TDRD12: variants seen among roughly 807,000 people sequenced by gnomAD.
The protein encoded by TDRD12 is tudor domain containing 12.
TDRD12 carries 158 observed loss-of-function variants against 133.5 expected under a neutral mutation model. That is an observed-to-expected ratio of 1.18 (90% CI 1.04 to 1.35). The LOEUF (loss-of-function observed/expected upper bound fraction) is 1.35. Among genes scored for constraint, TDRD12 ranks in the 40% most tolerant of loss-of-function variants. TDRD12 has a pLI of 0.00. For missense variants in TDRD12, 1,443 were observed against 1,321.3 expected, an observed-to-expected ratio of 1.09 and a Z score of -1.43; for synonymous variants, 460 against 477.9, an observed-to-expected ratio of 0.96 and a Z score of 0.49.
intron 25 of TDRD12, among the ~76,000 whole-genome samples, chr19:32,814,614 A>G (rs560139678): frequency 6.6e-6 from 1 of 152,254 alleles, no homozygotes; most frequent in East Asian, 1.9e-4. Flanking sequence ...GGGGGGAGAA[A>G]AGCAGATATT....
intron 11 of TDRD12, among the ~76,000 whole-genome samples, chr19:32,782,736 CAT>C (rs2145636247): frequency 6.6e-6 from 1 of 152,298 alleles, no homozygotes; most frequent in South Asian, 2.1e-4. Flanking sequence ...AGCATTTTTT[CAT>C]ATGTCTATTG....
rs117741132 is a variant in TDRD12 at position 32,744,824 on chromosome 19, A to C, written c.440+1924A>C. The stretch of plus-strand genomic sequence containing the variant: ...CCTTCCCGGGACGATGGCATTATGG[A>C]AGGAAAAGCCACAGGGAGCAGTCCA... On this transcript the variant is annotated intron_variant, in intron 4 of 27. Transcript: ENST00000444215. 7.5e-4 allele frequency among the ~76,000 whole-genome samples: 114 copies of C among 152,140 alleles called. No individual in the cohort carries two copies. In the East Asian group the frequency reaches 0.016, roughly 21 times the overall value.
intron 2 of TDRD12, among the ~76,000 whole-genome samples, chr19:32,734,117 G>C (rs1173561637): frequency 6.7e-6 from 1 of 149,470 alleles, no homozygotes; most frequent in Non-Finnish European, 1.5e-5. Flanking sequence ...GGATGGTCTT[G>C]ATCTCCTGAC....
chr19:32,773,258 G>A (rs1970487250), intron 9 of TDRD12, among the ~76,000 whole-genome samples, 198 bp from the exon 10 acceptor site: 1 of 152,150 alleles, frequency 6.6e-6, no homozygotes, highest in South Asian at 2.1e-4. Flanking sequence ...CTGCCATTTG[G>A]ACATTTAATG....
intron 10 of TDRD12, among the ~76,000 whole-genome samples, chr19:32,776,316 C>G (rs1002010198): frequency 6.6e-6 from 1 of 152,176 alleles, no homozygotes; most frequent in Non-Finnish European, 1.5e-5. Context: ...CTCCCATCTC[C>G]CAGTTCCTCT....
In TDRD12 at chr19:32,738,841, C is replaced by G. The variant is rs1197884217; in HGVS notation, c.184-15C>G. The G allele has an allele frequency of 6.5e-7, 1 of 1,545,252 alleles. No homozygotes were observed. The highest frequency in any genetic ancestry group is 8.7e-7 in the Non-Finnish European group (1 of 1,145,322). ...AAAATAAATAAATAAAAATAACTCT[C>G]TGTTTATTTTGCAGGTGTGTGTGGT... On this transcript the variant is annotated splice_polypyrimidine_tract_variant and intron_variant, in intron 2 of 27. Coordinates refer to ENST00000444215, the Ensembl canonical transcript of TDRD12.
chr19:32,824,640 C>CCCGTGT (rs1448358148), downstream of TDRD12: 1 of 152,258 alleles, frequency 6.6e-6, no homozygotes, highest in East Asian at 1.9e-4. Context: ...GGGTCGTAGC[C>CCCGTGT]CCGTGTCCTG....
chr19:32,734,452 C>T (rs1409456839), intron 2 of TDRD12, among the ~76,000 whole-genome samples: 1 of 151,558 alleles, frequency 6.6e-6, no homozygotes, highest in East Asian at 1.9e-4. Context: ...CTCACTGCAA[C>T]CTCCGCCTTT....
intron 26 of TDRD12, 34 bp from the exon 27 acceptor site, chr19:32,818,055 T>C: frequency 1.4e-6 from 1 of 702,532 alleles, no homozygotes; most frequent in Non-Finnish European, 2.6e-6. Context: ...TGCACATGAT[T>C]ATTTGCAAAT....
chr19:32,782,242 TTGC>T (rs1402533935), intron 11 of TDRD12, among the ~76,000 whole-genome samples: 3 of 152,108 alleles, frequency 2.0e-5, no homozygotes, highest in Non-Finnish European at 4.4e-5. Flanking sequence ...TTGTGATAGT[TTGC>T]TGAGAATGAT....
At chr19:32,808,066 G>A (rs571170356) in intron 22 of TDRD12, among the ~76,000 whole-genome samples, 2 of 152,096 alleles carry the variant, frequency 1.3e-5, no homozygotes, top group African/African-American at 4.8e-5. Flanking sequence ...TCTACAAACA[G>A]ATTTTTTAAA....
chr19:32,771,582 A>G (rs936505445), intron 8 of TDRD12, among the ~76,000 whole-genome samples: 2 of 145,414 alleles, frequency 1.4e-5, no homozygotes, highest in African/African-American at 5.0e-5. Context: ...TTCTCTCCCA[A>G]TCTCCTTTTT....
intron 2 of TDRD12, 146 bp from the exon 3 acceptor site, chr19:32,738,710 G>A (rs1236028787): frequency 2.4e-6 from 2 of 827,594 alleles, no homozygotes; most frequent in Non-Finnish European, 3.6e-6. Context: ...CTACTTGGGA[G>A]GCTGAGGCAG....
chr19:32,750,969 T>C (rs1969807490), intron 6 of TDRD12, among the ~76,000 whole-genome samples: 1 of 152,200 alleles, frequency 6.6e-6, no homozygotes, highest in African/African-American at 2.4e-5. Flanking sequence ...CTTCTAAGTT[T>C]GGGGTACCTG....
At chr19:32,783,494 T>C (rs1049223488) in intron 11 of TDRD12, among the ~76,000 whole-genome samples, 22 of 152,316 alleles carry the variant, frequency 1.4e-4, no homozygotes, top group African/African-American at 5.3e-4. Flanking sequence ...TCTCCAATTC[T>C]GTGAAAAAAG....
downstream of TDRD12, among the ~76,000 whole-genome samples, chr19:32,824,984 A>C (rs1967539497): frequency 1.3e-5 from 2 of 152,158 alleles, no homozygotes; most frequent in African/African-American, 4.8e-5. Flanking sequence ...GTTCGCGTTC[A>C]GTGGCAGGAC....
chr19:32,771,633 G>T (rs1426669755), intron 8 of TDRD12, among the ~76,000 whole-genome samples: 1 of 149,944 alleles, frequency 6.7e-6, no homozygotes. Flanking sequence ...ACTACTTTGC[G>T]GACTTAGTGA....
At chr19:32,731,206 T>A (rs987169441) in intron 1 of TDRD12, among the ~76,000 whole-genome samples, 10 of 152,172 alleles carry the variant, frequency 6.6e-5, no homozygotes, top group African/African-American at 2.2e-4. Flanking sequence ...CATTATTATT[T>A]TTTTTATTAT....
At chr19:32,741,603 A>G (rs1030560023) in intron 3 of TDRD12, among the ~76,000 whole-genome samples, 3 of 152,206 alleles carry the variant, frequency 2.0e-5, no homozygotes, top group African/African-American at 7.2e-5. Context: ...AGAAAATCGT[A>G]TGATTAAATA....
Sources: allele counts gnomAD v4.1 joint callset (sites outside exome capture counted in the v4.1 genomes callset), GRCh38; gene constraint gnomAD v4.1.1; transcripts MANE v1.5; gene names NCBI Gene and HGNC (gene_info 2026-07-23, HGNC 2026-07-21).